The following TULP2 variants were observed in gnomAD, a reference collection of about 807,000 sequenced individuals.
TULP2 encodes the protein tubby-related protein 2.
In TULP2, 64 loss-of-function variants were observed where a neutral mutation model predicts 60.3. The ratio of observed to expected loss-of-function variants is 1.06; its 90% CI spans 0.87 to 1.31. The LOEUF is 1.31. Ranked by LOEUF, TULP2 falls within the 50% of genes most tolerant of loss-of-function variation. The probability of loss-of-function intolerance (pLI) is 0.00; values close to 1 mark genes in which losing one functional copy is unlikely to be tolerated. For missense variants in TULP2, 652 were observed against 667.0 expected (o/e 0.98, Z 0.25); for synonymous variants, 267 against 265.4 (o/e 1.01, Z -0.06).
In TULP2 at chr19:48,883,736, C is replaced by T; in HGVS notation, c.1275+18G>A. The T allele has an allele frequency of 6.2e-7, 1 of 1,613,420 alleles. No individual in the cohort carries two copies. Among genetic ancestry groups the T allele is most frequent in the Non-Finnish European group, 8.5e-7 (1 of 1,179,676 alleles). ...CCCTTCTCCATTGACCCAGAGATTC[C>T]TGATGTCAGGGACTCACATTTAGTG... On this transcript the variant is annotated intron_variant, in intron 11 of 12. Coordinates refer to ENST00000221399, the MANE Select transcript of TULP2 (RefSeq NM_003323.3).
At chr19:48,890,519 G>C (rs1260003959) in intron 6 of TULP2, among the ~76,000 whole-genome samples, 1 of 152,154 alleles carries the variant, frequency 6.6e-6, no homozygotes, top group Non-Finnish European at 1.5e-5. Context: ...TCTATACTTT[G>C]TCTCTGTGTC....
intron 8 of TULP2, among the ~76,000 whole-genome samples, chr19:48,887,506 TAA>T (rs1309305261): frequency 6.6e-6 from 1 of 151,544 alleles, no homozygotes; most frequent in African/African-American, 2.4e-5. Context: ...GTATTTTTTG[TAA>T]AGACGGGGTT....
rs191179404 is a variant in TULP2, at chr19:48,885,712, C to T, written c.949-152G>A. 3.0e-3 allele frequency: 1,752 copies of T among 577,484 alleles called. 25 individuals carry two copies. Among genetic ancestry groups the T allele is most frequent in the African/African-American group, 0.026 (1,371 of 52,348 alleles). 35.8% of individuals were successfully genotyped at this position (577,484 alleles called of 1,614,324 possible). Reference sequence around the variant, plus strand: ...CAGCCTGGCCAACATGGTGAAACCCCGTCTCTACTAAAAATAAAAAAAATT... The same window carrying T: ...CAGCCTGGCCAACATGGTGAAACCCTGTCTCTACTAAAAATAAAAAAAATT... On this transcript the variant is annotated intron_variant, in intron 8 of 12. Coordinates refer to ENST00000221399, the MANE Select transcript of TULP2 (RefSeq NM_003323.3).
At position 48,896,555 on chromosome 19, in the gene TULP2, C is replaced by G; in HGVS notation, c.86G>C (p.Arg29Pro). 1 of 1,597,954 alleles carries G rather than the reference C, an allele frequency of 6.3e-7. No homozygotes were observed. The highest frequency in any genetic ancestry group is 8.5e-7 in the Non-Finnish European group (1 of 1,172,092). Residue 29 changes from arginine to proline, a missense_variant and splice_region_variant, in exon 4 of 13, where the codon CGG becomes CCG. Physicochemically the swap from Arg to Pro is moderately radical, Grantham distance 103. Coordinates refer to ENST00000221399, the MANE Select transcript of TULP2 (RefSeq NM_003323.3). ...TCGCTGCTTCTTTTCAAACAGCCGC[C>G]GCTGGGGAGATGGGAGAGGTGGGTG... ...AMRLQKLEQQ[R>P]RLFEKKQRQK...
Position 48,897,538 on chromosome 19 carries a change from G to A in TULP2, c.33-142C>T. On this transcript the variant is annotated intron_variant, in intron 2 of 12. Transcript: ENST00000221399. The surrounding 1 kb of genome is among the most constrained non-coding windows in gnomAD (Gnocchi z 4.0). Reference sequence around the variant, plus strand: ...CACAGGAGGTGCAGAACCTGAGCCTGCTCCACCAGTTATAGGGCCCTTTCT... The same window carrying A: ...CACAGGAGGTGCAGAACCTGAGCCTACTCCACCAGTTATAGGGCCCTTTCT... 5 of 832,288 alleles carry A rather than the reference G, an allele frequency of 6.0e-6. No individual in the cohort carries two copies. The highest frequency in any genetic ancestry group is 7.8e-6 in the Non-Finnish European group (4 of 513,360). The allele number at this position is 832,288 out of a possible 1,614,324, so 51.6% of individuals were successfully genotyped here.
rs2037306345 is a variant in TULP2, at chr19:48,898,667, G to A, written c.-79C>T. The A allele has an allele frequency of 6.6e-6, 1 of 152,090 alleles. No individual in the cohort carries two copies. The highest frequency in any genetic ancestry group is 2.1e-4 in the South Asian group (1 of 4,812). 9.4% of individuals were successfully genotyped at this position (152,090 alleles called of 1,614,324 possible). A position where few individuals can be genotyped will look rare whatever the true frequency, so the allele number is the denominator to read the frequency against. ...GGGAGGAGAAGAAAGACGGCTCAGA[G>A]GGAGGGAGGATTCCCTCTGGGACCT... On this transcript the variant is annotated 5_prime_UTR_variant, in exon 1 of 13. Coordinates refer to ENST00000221399, the MANE Select transcript of TULP2 (RefSeq NM_003323.3).
At chr19:48,896,315 C>G (rs1243698524) in intron 4 of TULP2, 115 bp downstream of exon 4, 3 of 1,382,356 alleles carry the variant, frequency 2.2e-6, no homozygotes, top group African/African-American at 2.9e-5. Context: ...GGCCCGCCCC[C>G]ATCCACTGCC....
rs2037290201 is a variant in TULP2, at chr19:48,897,141, C to T, written c.84+204G>A. 6.6e-6 allele frequency among the ~76,000 whole-genome samples: 1 copy of T among 152,146 alleles called. No individual in the cohort carries two copies. The highest frequency in any genetic ancestry group is 1.5e-5 in the Non-Finnish European group (1 of 68,026). On this transcript the variant is annotated intron_variant, in intron 3 of 12. Transcript: ENST00000221399. This position sits in a 1 kb window ranked among gnomAD's most constrained non-coding sequence, Gnocchi z 4.0. The stretch of plus-strand genomic sequence containing the variant: ...CTGACCTCAAGTGATCCGCCCACCT[C>T]AGCATCCCAAAGTGCTGTGATTACA...
intron 12 of TULP2, among the ~76,000 whole-genome samples, chr19:48,881,548 AT>A (rs1180786990): frequency 5.3e-5 from 8 of 151,216 alleles, no homozygotes; most frequent in Non-Finnish European, 1.2e-4. Context: ...CACCCAGCTA[AT>A]TTTTTCTGTG....
intron 8 of TULP2, among the ~76,000 whole-genome samples, chr19:48,887,259 C>A (rs1337914208): frequency 6.8e-6 from 1 of 147,452 alleles, no homozygotes; most frequent in Admixed American, 7.0e-5. Flanking sequence ...GATCTGCACG[C>A]CTCGGCCTCC....
At position 48,883,777 on chromosome 19, in the gene TULP2, G is replaced by A. The variant is rs376067742; in HGVS notation, c.1252C>T (p.Arg418Ter). 123 of 1,613,898 alleles carry A rather than the reference G, an allele frequency of 7.6e-5. No homozygotes were observed. The highest frequency in any genetic ancestry group is 1.0e-4 in the Non-Finnish European group (122 of 1,180,038). ...ILPGTNSQNQ[R>*]INVQPLNEQE... is the part of the protein sequence containing the mutation. ...ACATTTAGTGGCTGGACATTGATTC[G>A]CTGGTTCTGGCTGTTGGTTCCTGGG... The change falls in exon 11 of 13, where the codon CGA becomes TGA. Residue 418 changes from arginine (R) to a stop codon, truncating the protein, a stop_gained. Coordinates refer to ENST00000221399, the MANE Select transcript of TULP2 (RefSeq NM_003323.3). LOFTEE classifies it high-confidence loss of function.
At chr19:48,890,651 G>T (rs900309060) in intron 6 of TULP2, among the ~76,000 whole-genome samples, 4 of 152,184 alleles carry the variant, frequency 2.6e-5, no homozygotes, top group South Asian at 4.1e-4. Flanking sequence ...GATCCCAGGA[G>T]TGTGGGACAC....
At chr19:48,885,341 C>A in intron 9 of TULP2, 107 bp downstream of exon 9, 1 of 869,316 alleles carries the variant, frequency 1.2e-6, no homozygotes, top group South Asian at 1.6e-5. Context: ...TTCTTCTGGT[C>A]CCTGAGCAGG....
At chr19:48,886,690 G>T (rs2037182296) in intron 8 of TULP2, among the ~76,000 whole-genome samples, 1 of 152,056 alleles carries the variant, frequency 6.6e-6, no homozygotes, top group Non-Finnish European at 1.5e-5. Context: ...TGGTTGCTGG[G>T]GGCAGGATTT....
At chr19:48,891,392 G>A (rs985090283) in intron 6 of TULP2, among the ~76,000 whole-genome samples, 10 of 151,960 alleles carry the variant, frequency 6.6e-5, no homozygotes, top group Non-Finnish European at 1.0e-4. Context: ...CAGCACTTTG[G>A]GAGGCGGAGG....
In TULP2 at chr19:48,887,311, C is replaced by CTTTTTTTTTTTTTTTTTTTT. The variant is rs58640342; in HGVS notation, c.948+619_948+638dup. 3.5e-3 allele frequency among the ~76,000 whole-genome samples: 136 copies of CTTTTTTTTTTTTTTTTTTTT among 39,374 alleles called. 35 individuals are homozygous for CTTTTTTTTTTTTTTTTTTTT. The highest frequency in any genetic ancestry group is 5.5e-3 in the Admixed American group (11 of 1,998). 25.8% of individuals were successfully genotyped at this position (39,374 alleles called of 152,430 possible). On this transcript the variant is annotated intron_variant, in intron 8 of 12. Transcript: ENST00000221399. ...CAAGTGTGAGCCACCGCGCCCAGCC[C>CTTTTTTTTTTTTTTTTTTTT]TTTTTTTTTTTTTTTTTTTTTTTTT...
In TULP2 at chr19:48,885,528, C is replaced by T. The variant is rs1568569915; in HGVS notation, c.981G>A (p.Arg327=). 1 of 1,613,956 alleles carries T rather than the reference C, an allele frequency of 6.2e-7. No individual in the cohort carries two copies. Among genetic ancestry groups the T allele is most frequent in the South Asian group, 1.1e-5 (1 of 91,072 alleles). ...AGATGAGGTAATTAGAAGTTTTGCTCCTTCTTCTCTTTCGCCCAGCCAGGA... is the reference window on the plus strand; with the variant it reads ...AGATGAGGTAATTAGAAGTTTTGCTTCTTCTTCTCTTTCGCCCAGCCAGGA... ...RFLLAGRKRR[R]SKTSNYLISL... is the part of the protein sequence containing the mutation. Residue 327 remains arginine (R), a synonymous_variant, in exon 9 of 13, where the codon AGG becomes AGA. Transcript: ENST00000221399.
chr19:48,885,180 C>G (rs964535279), intron 9 of TULP2, among the ~76,000 whole-genome samples: 2 of 152,048 alleles, frequency 1.3e-5, no homozygotes, highest in Non-Finnish European at 2.9e-5. Context: ...AGATTATAGG[C>G]GTGAGCCACC....
Position 48,897,377 on chromosome 19 carries a change from C to T in TULP2, c.52G>A (p.Ala18Thr), listed in dbSNP as rs7260579. 0.13 allele frequency: 216,276 copies of T among 1,613,196 alleles called. 16,713 individuals carry two copies. Among genetic ancestry groups the T allele is most frequent in the African/African-American group, 0.32 (24,266 of 74,906 alleles). ...LMRDILGHEL[A>T]AMRLQKLEQQ... is the part of the protein sequence containing the mutation. Reference sequence around the variant, plus strand: ...TCCAGCTTCTGCAGCCTCATAGCAGCGAGCTCATGCCCCAGGATGCTGAGA... The same window carrying T: ...TCCAGCTTCTGCAGCCTCATAGCAGTGAGCTCATGCCCCAGGATGCTGAGA... The change falls in exon 3 of 13, where the codon GCT becomes ACT. Residue 18 changes from alanine to threonine, a missense_variant. Coordinates refer to ENST00000221399, the MANE Select transcript of TULP2 (RefSeq NM_003323.3). The surrounding 1 kb of genome is among the most constrained non-coding windows in gnomAD (Gnocchi z 4.0).
Sources: gnomAD v4.1 joint callset for allele counts (sites outside exome capture counted in the v4.1 genomes callset) on GRCh38, gnomAD v4.1.1 for gene constraint, Gnocchi (gnomAD v3.1) non-coding constraint, MANE v1.5 for transcripts, NCBI Gene and HGNC (gene_info 2026-07-23, HGNC 2026-07-21) for gene names.